The following HEMK2 variants were observed in gnomAD, a reference collection of about 807,000 sequenced individuals.
HEMK2 encodes methyltransferase HEMK2.
chr21:28,885,135 C>G, the HEMK2 span: 3 of 1,445,332 alleles, frequency 2.1e-6, no homozygotes, highest in Middle Eastern at 1.9e-4. Flanking sequence ...GTGATAGTCA[C>G]CGTTCCGGCC....
the HEMK2 span, among the ~76,000 whole-genome samples, chr21:28,866,887 C>A: frequency 3.9e-5 from 6 of 151,978 alleles, no homozygotes; most frequent in Admixed American, 1.3e-4. Context: ...GCTTAAATGA[C>A]AATAAAGCAA....
At chr21:28,731,126 A>C in the HEMK2 span, among the ~76,000 whole-genome samples, 2 of 152,210 alleles carry the variant, frequency 1.3e-5, no homozygotes, top group Non-Finnish European at 2.9e-5. Context: ...AGGCTAAAAA[A>C]GTTGGGGGAA....
chr21:28,861,898 C>T, the HEMK2 span, among the ~76,000 whole-genome samples: 1 of 152,128 alleles, frequency 6.6e-6, no homozygotes, highest in Admixed American at 6.5e-5. Context: ...TTCCTGTTCC[C>T]GCCACATTAC....
the HEMK2 span, among the ~76,000 whole-genome samples, chr21:28,624,617 G>T: frequency 6.6e-6 from 1 of 152,174 alleles, no homozygotes; most frequent in African/African-American, 2.4e-5. Flanking sequence ...TCAGGCTCAA[G>T]TCAAGTGACT....
At chr21:28,701,054 A>G in the HEMK2 span, among the ~76,000 whole-genome samples, 1 of 152,186 alleles carries the variant, frequency 6.6e-6, no homozygotes, top group East Asian at 1.9e-4. Flanking sequence ...AAACCATATG[A>G]TTATCTCAAC....
the HEMK2 span, among the ~76,000 whole-genome samples, chr21:28,706,509 A>G: frequency 2.0e-5 from 3 of 152,318 alleles, no homozygotes; most frequent in Admixed American, 6.5e-5. Context: ...AACAGAAAAA[A>G]TGAGCTAGTT....
the HEMK2 span, among the ~76,000 whole-genome samples, chr21:28,850,606 C>A: frequency 5.3e-3 from 810 of 152,230 alleles, 6 homozygotes; most frequent in African/African-American, 0.019. Flanking sequence ...TTCAAATAAG[C>A]AAATGCTAAG....
At chr21:28,870,589 T>A in the HEMK2 span, among the ~76,000 whole-genome samples, 1 of 152,226 alleles carries the variant, frequency 6.6e-6, no homozygotes, top group East Asian at 1.9e-4. Flanking sequence ...TCAGTAAAGA[T>A]GGGGTTTCAT....
chr21:28,821,638 A>G, the HEMK2 span, among the ~76,000 whole-genome samples: 1 of 152,200 alleles, frequency 6.6e-6, no homozygotes, highest in African/African-American at 2.4e-5. Flanking sequence ...TGAAAAAATC[A>G]GTAGACTTCT....
At chr21:28,803,587 T>C in the HEMK2 span, among the ~76,000 whole-genome samples, 1 of 152,142 alleles carries the variant, frequency 6.6e-6, no homozygotes, top group Non-Finnish European at 1.5e-5. Context: ...GAAGGAAATA[T>C]ATTCTTAATG....
chr21:28,629,549 T>TA, the HEMK2 span, among the ~76,000 whole-genome samples: 4 of 152,238 alleles, frequency 2.6e-5, no homozygotes, highest in Non-Finnish European at 4.4e-5. Flanking sequence ...ATATTGGAGC[T>TA]ATGCAGAGCA....
chr21:28,842,723 G>T, the HEMK2 span, among the ~76,000 whole-genome samples: 3 of 151,918 alleles, frequency 2.0e-5, no homozygotes, highest in Non-Finnish European at 1.5e-5. Context: ...ATTTCCTTTT[G>T]CCAATGATTT....
At chr21:28,870,976 T>C in the HEMK2 span, among the ~76,000 whole-genome samples, 1 of 152,214 alleles carries the variant, frequency 6.6e-6, no homozygotes, top group African/African-American at 2.4e-5. Flanking sequence ...TTATATCAAA[T>C]TCACTGCTAT....
chr21:28,686,776 C>T, the HEMK2 span, among the ~76,000 whole-genome samples: 1 of 152,154 alleles, frequency 6.6e-6, no homozygotes, highest in Non-Finnish European at 1.5e-5. Context: ...CCTAAGTCAA[C>T]ATCTGGATTG....
the HEMK2 span, among the ~76,000 whole-genome samples, chr21:28,677,102 C>T: frequency 5.3e-5 from 8 of 152,140 alleles, no homozygotes; most frequent in Admixed American, 1.3e-4. Flanking sequence ...GGCAAGGCAT[C>T]GCCTCACCCG....
chr21:28,759,988 C>T, the HEMK2 span, among the ~76,000 whole-genome samples: 2 of 152,168 alleles, frequency 1.3e-5, no homozygotes, highest in Non-Finnish European at 2.9e-5. Context: ...GTGTCCTGCA[C>T]TAAAACTGAA....
the HEMK2 span, among the ~76,000 whole-genome samples, chr21:28,815,507 A>G: frequency 6.6e-6 from 1 of 152,246 alleles, no homozygotes; most frequent in East Asian, 1.9e-4. Flanking sequence ...TAAAGCACCA[A>G]TATCAGCTCC....
the HEMK2 span, among the ~76,000 whole-genome samples, chr21:28,883,443 TAA>T: frequency 2.0e-5 from 3 of 152,296 alleles, no homozygotes; most frequent in South Asian, 6.2e-4. Context: ...TTTCCTAAAA[TAA>T]AGTTTGTATT....
chr21:28,626,551 A>C, the HEMK2 span: 1 of 152,200 alleles, frequency 6.6e-6, no homozygotes, highest in Non-Finnish European at 1.5e-5. Context: ...ACAATGCAAT[A>C]AAGAAAAGAC....
Sources: gnomAD v4.1 joint callset for allele counts (sites outside exome capture counted in the v4.1 genomes callset) on GRCh38, gnomAD v4.1.1 for gene constraint, MANE v1.5 for transcripts, NCBI Gene and HGNC (gene_info 2026-07-23, HGNC 2026-07-21) for gene names.